The following CCDC7 variants were observed in gnomAD, a reference collection of about 807,000 sequenced individuals.
The protein encoded by CCDC7 is coiled-coil domain containing 7, also known as coiled-coil domain-containing protein 7.
CCDC7 carries 183 observed loss-of-function variants against 196.9 expected under a neutral mutation model. That is an observed-to-expected ratio of 0.93 (90% CI 0.82 to 1.05). The LOEUF is 1.05. Among genes scored for constraint, CCDC7 ranks in the 50% least tolerant of loss-of-function variants. CCDC7 has a pLI of 0.00. For synonymous variants in CCDC7, 525 were observed against 484.6 expected, an observed-to-expected ratio of 1.08 and a Z score of -1.10; for missense variants, 1,540 against 1,482.2, an observed-to-expected ratio of 1.04 and a Z score of -0.64.
rs1042526410 is a variant in CCDC7 at position 32,640,873 on chromosome 10, T to C, written c.2014+5715T>C. Among the ~76,000 whole-genome samples, 23 of 48,630 alleles carry C rather than the reference T, an allele frequency of 4.7e-4. 1 individual carries two copies. Among genetic ancestry groups the C allele is most frequent in the Non-Finnish European group, 1.0e-3 (11 of 10,750 alleles). 31.9% of individuals were successfully genotyped at this position (48,630 alleles called of 152,430 possible). On this transcript the variant is annotated intron_variant, in intron 20 of 41. Transcript: ENST00000639629. ...CTGGCTTGTAGATTTTCTTTTTTTT[T>C]TTCTTTTTTTTTTTATTATACTCTA...
intron 24 of CCDC7, among the ~76,000 whole-genome samples, chr10:32,707,712 C>G (rs2080039488): frequency 6.6e-6 from 1 of 152,094 alleles, no homozygotes; most frequent in Non-Finnish European, 1.5e-5. Context: ...GAGTGAACTC[C>G]CATTCACAAT....
chr10:32,804,664 G>A (rs2135142425), intron 29 of CCDC7, among the ~76,000 whole-genome samples: 1 of 152,264 alleles, frequency 6.6e-6, no homozygotes, highest in Non-Finnish European at 1.5e-5. Context: ...TTAAAGTCAT[G>A]TTATTATCAT....
chr10:32,610,520 C>T (rs970067461), intron 18 of CCDC7, among the ~76,000 whole-genome samples: 10 of 152,136 alleles, frequency 6.6e-5, no homozygotes, highest in Non-Finnish European at 1.3e-4. Context: ...TTGCTGCACC[C>T]ATCAACGCGT....
intron 32 of CCDC7, 131 bp downstream of exon 33, chr10:32,824,735 A>T (rs2090864924): frequency 1.8e-6 from 1 of 550,688 alleles, no homozygotes; most frequent in South Asian, 3.4e-5. Flanking sequence ...ATTTCCTCCT[A>T]TAATTAGTTG....
chr10:32,756,689 A>G (rs894678080), intron 28 of CCDC7, among the ~76,000 whole-genome samples: 14 of 152,224 alleles, frequency 9.2e-5, no homozygotes, highest in African/African-American at 3.4e-4. Flanking sequence ...AGGAAATTGC[A>G]TCAATTAAAG....
chr10:32,845,244 G>A, exon 34 of CCDC7: 1 of 1,541,090 alleles, frequency 6.5e-7, no homozygotes, highest in Non-Finnish European at 8.8e-7. Context: ...TTTATATAGA[G>A]ACTGATAAGG....
At chr10:32,812,957 C>T (rs143675928) in intron 30 of CCDC7, among the ~76,000 whole-genome samples, 1 of 152,292 alleles carries the variant, frequency 6.6e-6, no homozygotes, top group East Asian at 1.9e-4. Flanking sequence ...ACTTGTTCTG[C>T]TCAATCTTAT....
chr10:32,534,338 C>G (rs1295736897), intron 11 of CCDC7, among the ~76,000 whole-genome samples: 3 of 152,036 alleles, frequency 2.0e-5, no homozygotes, highest in Non-Finnish European at 4.4e-5. Flanking sequence ...CACTGAGTTT[C>G]CTTAAAACTG....
intron 33 of CCDC7, among the ~76,000 whole-genome samples, chr10:32,839,566 T>G (rs1489234197): frequency 6.6e-6 from 1 of 151,928 alleles, no homozygotes; most frequent in Non-Finnish European, 1.5e-5. Context: ...GGGACTTTAA[T>G]ACTCCACTGA....
intron 9 of CCDC7, among the ~76,000 whole-genome samples, chr10:32,493,782 T>C (rs1022780879): frequency 4.6e-5 from 7 of 152,206 alleles, no homozygotes; most frequent in African/African-American, 1.7e-4. Flanking sequence ...AATTTACTTT[T>C]CCTTGATGAT....
intron 11 of CCDC7, among the ~76,000 whole-genome samples, chr10:32,523,848 A>T: frequency 6.9e-6 from 1 of 145,490 alleles, no homozygotes; most frequent in Non-Finnish European, 1.5e-5. Flanking sequence ...CCATTCCTAT[A>T]TTTTCTGTCT....
At chr10:32,648,351 C>G (rs2068134641) in intron 20 of CCDC7, among the ~76,000 whole-genome samples, 1 of 152,042 alleles carries the variant, frequency 6.6e-6, no homozygotes, top group African/African-American at 2.4e-5. Flanking sequence ...ATAGTTTTTC[C>G]TAATTCTAGG....
At chr10:32,489,091 C>G (rs1157034941) in intron 8 of CCDC7, among the ~76,000 whole-genome samples, 1 of 152,172 alleles carries the variant, frequency 6.6e-6, no homozygotes, top group Non-Finnish European at 1.5e-5. Context: ...GGTGACACCT[C>G]TTGGTTCTGG....
At chr10:32,625,248 A>C (rs1759663) in intron 18 of CCDC7, among the ~76,000 whole-genome samples, 139,875 of 151,512 alleles carry the variant, frequency 0.92, 65,555 homozygotes, top group East Asian at 1. Flanking sequence ...TTCTCAACCT[A>C]ATTTAAGGAA....
At chr10:32,609,062 C>T (rs1428568684) in intron 18 of CCDC7, among the ~76,000 whole-genome samples, 1 of 152,080 alleles carries the variant, frequency 6.6e-6, no homozygotes, top group Non-Finnish European at 1.5e-5. Context: ...TGTTCCGTGT[C>T]CTGGTGAGAA....
Position 32,491,911 on chromosome 10 carries a change from T to C in CCDC7, c.797-11T>C. The stretch of plus-strand genomic sequence containing the variant: ...TAAAACCTTTAACATTTTTGACTTT[T>C]TAAATAATAGAAACTGCTCATTCAA... On this transcript the variant is annotated splice_polypyrimidine_tract_variant and intron_variant, in intron 8 of 41. Transcript: ENST00000639629. 6.5e-7 allele frequency: 1 copy of C among 1,541,780 alleles called. No individual in the cohort carries two copies. The highest frequency in any genetic ancestry group is 8.7e-7 in the Non-Finnish European group (1 of 1,152,364).
At chr10:32,809,929 A>C (rs900702388) in intron 30 of CCDC7, among the ~76,000 whole-genome samples, 3 of 13,978 alleles carry the variant, frequency 2.1e-4, no homozygotes, top group Non-Finnish European at 5.1e-4. Flanking sequence ...ACATGCACGC[A>C]TATGTTTATT....
chr10:32,850,237 A>G (rs549073100), intron 39 of CCDC7, among the ~76,000 whole-genome samples: 1 of 152,318 alleles, frequency 6.6e-6, no homozygotes, highest in South Asian at 2.1e-4. Context: ...GCTACTTTGC[A>G]AAGCAAAAAT....
intron 31 of CCDC7, among the ~76,000 whole-genome samples, chr10:32,820,087 C>A (rs914900866): frequency 1.3e-5 from 2 of 152,208 alleles, no homozygotes; most frequent in African/African-American, 4.8e-5. Flanking sequence ...AGTCCAAAAT[C>A]TCCTTAAGCT....
Sources: gnomAD v4.1 joint callset for allele counts (sites outside exome capture counted in the v4.1 genomes callset) on GRCh38, gnomAD v4.1.1 for gene constraint, MANE v1.5 for transcripts, NCBI Gene and HGNC (gene_info 2026-07-23, HGNC 2026-07-21) for gene names.